MAPDA: variants seen among roughly 807,000 people sequenced by gnomAD.
MAPDA encodes the protein N6,N6-dimethyl-AMP deaminase.
chr15:43,330,505 A>C, the MAPDA span: 173 of 1,511,990 alleles, frequency 1.1e-4, no homozygotes, highest in Non-Finnish European at 1.5e-4. Flanking sequence ...GAAGAGACTC[A>C]GGAATGGCAG....
chr15:43,347,217 A>C, the MAPDA span: 1 of 720,866 alleles, frequency 1.4e-6, no homozygotes, highest in Non-Finnish European at 2.3e-6. Flanking sequence ...GAAAGTAGAA[A>C]TATTTTTACA....
the MAPDA span, chr15:43,350,929 CT>C: frequency 6.5e-7 from 1 of 1,547,742 alleles, no homozygotes; most frequent in Non-Finnish European, 8.7e-7. Flanking sequence ...TTTTTTTCCC[CT>C]TTTCATCTAG....
At chr15:43,337,618 G>A in the MAPDA span, among the ~76,000 whole-genome samples, 1 of 151,708 alleles carries the variant, frequency 6.6e-6, no homozygotes, top group Non-Finnish European at 1.5e-5. Flanking sequence ...ATCTTAACCA[G>A]TAGAAAAAAA....
chr15:43,351,472 G>A, the MAPDA span: 4 of 417,890 alleles, frequency 9.6e-6, no homozygotes, highest in Non-Finnish European at 4.2e-6. Context: ...ATGAGATTCT[G>A]TTTTATTTGA....
At chr15:43,354,214 C>T in the MAPDA span, 5 of 152,132 alleles carry the variant, frequency 3.3e-5, no homozygotes, top group African/African-American at 1.2e-4. Context: ...GGTGTGAGAG[C>T]AGAGGAAAAA....
At chr15:43,330,616 CA>C in the MAPDA span, 1 of 1,130,876 alleles carries the variant, frequency 8.8e-7, no homozygotes, top group South Asian at 2.0e-5. Flanking sequence ...CTTCCGCCGG[CA>C]CTTGTGCGTC....
chr15:43,351,191 T>A, the MAPDA span: 3 of 694,918 alleles, frequency 4.3e-6, no homozygotes, highest in Non-Finnish European at 7.3e-6. Flanking sequence ...CTGAGTATGG[T>A]GGCGCACACC....
the MAPDA span, among the ~76,000 whole-genome samples, chr15:43,335,494 A>G: frequency 6.6e-6 from 1 of 152,192 alleles, no homozygotes; most frequent in Admixed American, 6.5e-5. Context: ...AGATCGCACC[A>G]GTGTACTCCA....
the MAPDA span, among the ~76,000 whole-genome samples, chr15:43,338,947 A>G: frequency 1.3e-5 from 2 of 152,230 alleles, no homozygotes; most frequent in Admixed American, 1.3e-4. Flanking sequence ...ACTGAAAAGG[A>G]CTACTATTTC....
At chr15:43,341,975 A>T in the MAPDA span, among the ~76,000 whole-genome samples, 1 of 151,912 alleles carries the variant, frequency 6.6e-6, no homozygotes, top group African/African-American at 2.4e-5. Context: ...AGTAGCAGGG[A>T]TTATAGGCAC....
the MAPDA span, among the ~76,000 whole-genome samples, chr15:43,346,764 TA>T: frequency 6.6e-6 from 1 of 152,238 alleles, no homozygotes; most frequent in Admixed American, 6.5e-5. Context: ...GTGACTACTA[TA>T]TCCAGCTTAG....
chr15:43,335,402 G>A, the MAPDA span, among the ~76,000 whole-genome samples: 1 of 152,076 alleles, frequency 6.6e-6, no homozygotes, highest in Admixed American at 6.5e-5. Context: ...TGGGCTTGGT[G>A]GCATGCCTGT....
chr15:43,330,448 C>G, the MAPDA span: 3 of 1,536,886 alleles, frequency 2.0e-6, no homozygotes, highest in South Asian at 1.3e-5. Flanking sequence ...CGTTGGTGTT[C>G]TGTACCGCGC....
the MAPDA span, among the ~76,000 whole-genome samples, chr15:43,340,823 A>G: frequency 1.3e-5 from 2 of 152,236 alleles, no homozygotes; most frequent in Non-Finnish European, 2.9e-5. Flanking sequence ...TTTCACTCTG[A>G]GAAAAGGATA....
At chr15:43,337,059 G>C in the MAPDA span, among the ~76,000 whole-genome samples, 1 of 151,610 alleles carries the variant, frequency 6.6e-6, no homozygotes. Flanking sequence ...ACAAGGTCAG[G>C]AGTTGGAGAC....
chr15:43,335,342 A>G, the MAPDA span, among the ~76,000 whole-genome samples: 3 of 152,076 alleles, frequency 2.0e-5, no homozygotes, highest in African/African-American at 7.2e-5. Flanking sequence ...TTGAGACTAG[A>G]CTGGCCAACA....
At chr15:43,334,633 T>TATATATATATATATATATATATATATA in the MAPDA span, among the ~76,000 whole-genome samples, 1 of 65,142 alleles carries the variant, frequency 1.5e-5, no homozygotes, top group Non-Finnish European at 4.7e-5. Context: ...CTCAAAAAAA[T>TATATATATATATATATATATATATATA]TATATATATA....
the MAPDA span, among the ~76,000 whole-genome samples, chr15:43,348,574 T>C: frequency 3.3e-3 from 497 of 152,338 alleles, 3 homozygotes; most frequent in Non-Finnish European, 5.8e-3. Context: ...TGTGAAGTTT[T>C]ATTTTTTGAA....
chr15:43,348,689 A>G, the MAPDA span, among the ~76,000 whole-genome samples: 1 of 152,174 alleles, frequency 6.6e-6, no homozygotes, highest in Non-Finnish European at 1.5e-5. Context: ...TAGGTTCTTA[A>G]TAAGTGTTTA....
Sources: allele counts gnomAD v4.1 joint callset (sites outside exome capture counted in the v4.1 genomes callset), GRCh38; gene constraint gnomAD v4.1.1; transcripts MANE v1.5; gene names NCBI Gene and HGNC (gene_info 2026-07-23, HGNC 2026-07-21).